The following MARCHF1 variants were observed in gnomAD, a reference collection of about 807,000 sequenced individuals.
The protein encoded by MARCHF1 is E3 ubiquitin-protein ligase MARCHF1.
A neutral mutation model predicts 54.2 loss-of-function variants in MARCHF1; 40 were observed. The ratio of observed to expected loss-of-function variants is 0.74; its 90% CI spans 0.57 to 0.96. The LOEUF (loss-of-function observed/expected upper bound fraction) is 0.96, where lower values mean the gene tolerates loss of function less well. Ranked by LOEUF, MARCHF1 falls within the 40% of genes least tolerant of loss-of-function variation. The pLI is 0.00. For synonymous variants in MARCHF1, 236 were observed against 236.3 expected, an observed-to-expected ratio of 1.00 and a Z score of 0.01; for missense variants, 586 against 656.5, an observed-to-expected ratio of 0.89 and a Z score of 1.17.
chr4:163,778,654 G>A (rs1395368550), intron 4 of MARCHF1, among the ~76,000 whole-genome samples: 2 of 152,026 alleles, frequency 1.3e-5, no homozygotes, highest in Admixed American at 6.6e-5. Context: ...ATAGACAATG[G>A]AATACTACTC....
At position 163,813,961 on chromosome 4, in the gene MARCHF1, G is replaced by A. The variant is rs1748463913; in HGVS notation, c.111+40060C>T. 2.0e-5 allele frequency among the ~76,000 whole-genome samples: 3 copies of A among 152,126 alleles called. No homozygotes were observed. The South Asian group carries it at 6.2e-4, about 32-fold the overall frequency. On this transcript the variant is annotated intron_variant, in intron 4 of 9. Coordinates refer to ENST00000514618, the MANE Select transcript of MARCHF1 (RefSeq NM_001394959.1). ...TGATGCACCAAAATCTAAGCCCAGGGCATAAAACCCCTTGTGGCTTGGACA... is the reference window on the plus strand; with the variant it reads ...TGATGCACCAAAATCTAAGCCCAGGACATAAAACCCCTTGTGGCTTGGACA...
chr4:163,828,432 C>T (rs1403353704), intron 4 of MARCHF1, among the ~76,000 whole-genome samples: 2 of 152,006 alleles, frequency 1.3e-5, no homozygotes, highest in Admixed American at 6.6e-5. Flanking sequence ...TTCTTATATG[C>T]ACAAGACTTC....
chr4:163,850,856 G>A (rs764288175), intron 4 of MARCHF1, among the ~76,000 whole-genome samples: 10 of 152,218 alleles, frequency 6.6e-5, no homozygotes, highest in South Asian at 4.1e-4. Flanking sequence ...AACATTGAGC[G>A]GCTAGTGTGA....
intron 2 of MARCHF1, among the ~76,000 whole-genome samples, chr4:164,040,414 A>G (rs1754103062): frequency 6.9e-6 from 1 of 144,420 alleles, no homozygotes; most frequent in African/African-American, 2.5e-5. Flanking sequence ...ATATACTTAT[A>G]TATCCTTGTA....
chr4:164,082,319 TTC>T, intron 2 of MARCHF1, among the ~76,000 whole-genome samples: 1 of 152,206 alleles, frequency 6.6e-6, no homozygotes, highest in Admixed American at 6.5e-5. Flanking sequence ...GATGCTTCAT[TTC>T]TTAGTGCCAT....
At chr4:164,120,103 G>C (rs1326478467) in intron 1 of MARCHF1, among the ~76,000 whole-genome samples, 1 of 123,118 alleles carries the variant, frequency 8.1e-6, no homozygotes, top group African/African-American at 2.6e-5. Flanking sequence ...TTATCAAATA[G>C]AACTTAACTC....
At chr4:163,664,045 A>G in intron 5 of MARCHF1, among the ~76,000 whole-genome samples, 1 of 152,084 alleles carries the variant, frequency 6.6e-6, no homozygotes, top group Non-Finnish European at 1.5e-5. Flanking sequence ...CTGAAAAATA[A>G]ACCGAGTACT....
intron 4 of MARCHF1, among the ~76,000 whole-genome samples, chr4:163,849,164 G>T (rs1387956724): frequency 6.6e-6 from 1 of 152,144 alleles, no homozygotes; most frequent in African/African-American, 2.4e-5. Context: ...AGACTGATTG[G>T]ACTGTTGGAA....
At chr4:163,569,271 T>G (rs1739751619) in intron 8 of MARCHF1, among the ~76,000 whole-genome samples, 1 of 152,128 alleles carries the variant, frequency 6.6e-6, no homozygotes, top group South Asian at 2.1e-4. Context: ...TTCAATCAGC[T>G]GGGTCACGAT....
intron 4 of MARCHF1, among the ~76,000 whole-genome samples, chr4:163,804,019 T>G (rs1748157398): frequency 6.6e-6 from 1 of 152,172 alleles, no homozygotes; most frequent in African/African-American, 2.4e-5. Context: ...TCTAGACAAG[T>G]TAAGGCTTAA....
chr4:164,197,512 T>G, intron 1 of MARCHF1: 1 of 1,613,576 alleles, frequency 6.2e-7, no homozygotes. Flanking sequence ...TAGTTCAAGC[T>G]TTCTCAACTT....
intron 1 of MARCHF1, among the ~76,000 whole-genome samples, chr4:164,170,043 T>C (rs1236417397): frequency 1.3e-5 from 2 of 152,092 alleles, no homozygotes; most frequent in African/African-American, 4.8e-5. Context: ...AGGTGTATTT[T>C]GAAAGCCAAA....
intron 1 of MARCHF1, among the ~76,000 whole-genome samples, chr4:164,271,374 C>T (rs1359218955): frequency 6.6e-6 from 1 of 152,024 alleles, no homozygotes; most frequent in Non-Finnish European, 1.5e-5. Flanking sequence ...AGAATGGTCA[C>T]AGAAATGTGA....
intron 3 of MARCHF1, among the ~76,000 whole-genome samples, chr4:163,949,969 G>A (rs982826213): frequency 3.3e-5 from 5 of 152,202 alleles, no homozygotes; most frequent in Admixed American, 1.3e-4. Flanking sequence ...GCTGGAGTCT[G>A]GCTGAGTCCA....
At chr4:164,107,810 G>A (rs1333151113) in intron 2 of MARCHF1, among the ~76,000 whole-genome samples, 4 of 50,290 alleles carry the variant, frequency 8.0e-5, no homozygotes, top group Admixed American at 1.8e-4. Flanking sequence ...TCAAAATGTC[G>A]ATAATACAAA....
At chr4:163,803,028 A>G (rs13109059) in intron 4 of MARCHF1, among the ~76,000 whole-genome samples, 61,619 of 152,004 alleles carry the variant, frequency 0.41, 13,592 homozygotes, top group East Asian at 0.56. Flanking sequence ...CTGACTCCCT[A>G]TATATTTAAA....
At chr4:163,617,426 T>C (rs1276195347) in intron 5 of MARCHF1, among the ~76,000 whole-genome samples, 1 of 152,174 alleles carries the variant, frequency 6.6e-6, no homozygotes, top group African/African-American at 2.4e-5. Context: ...AGGTGATGGG[T>C]TGGTAATTAC....
intron 1 of MARCHF1, among the ~76,000 whole-genome samples, chr4:164,306,128 A>G (rs913642259): frequency 6.6e-6 from 1 of 152,126 alleles, no homozygotes; most frequent in Non-Finnish European, 1.5e-5. Context: ...TGGAAAAAAA[A>G]TAGCTAGGAA....
chr4:163,737,164 C>CTTT (rs71925488), intron 4 of MARCHF1, among the ~76,000 whole-genome samples: 2 of 72,070 alleles, frequency 2.8e-5, no homozygotes, highest in Admixed American at 1.6e-4. Flanking sequence ...TTTTTTCTTT[C>CTTT]TTTTTTTTTT....
Sources: allele counts gnomAD v4.1 joint callset (sites outside exome capture counted in the v4.1 genomes callset), GRCh38; gene constraint gnomAD v4.1.1; transcripts MANE v1.5; gene names NCBI Gene and HGNC (gene_info 2026-07-23, HGNC 2026-07-21).